Variants in SNX13 observed in about 807,000 individuals in gnomAD.
The protein encoded by SNX13 is sorting nexin 13.
In SNX13, 45 loss-of-function variants were observed where a neutral mutation model predicts 133.6. The ratio of observed to expected loss-of-function variants is 0.34; its 90% CI spans 0.27 to 0.43. The LOEUF (loss-of-function observed/expected upper bound fraction) is 0.43, where lower values mean the gene tolerates loss of function less well. SNX13 is among the 20% of genes least tolerant of loss of function. The probability of loss-of-function intolerance (pLI) is 1.00; values close to 1 mark genes in which losing one functional copy is unlikely to be tolerated. For synonymous variants in SNX13, 414 were observed against 373.9 expected (o/e 1.11, Z -1.24); for missense variants, 1,032 against 1,145.1 (o/e 0.90, Z 1.43).
At chr7:17,896,930 A>G (rs1442958350) in intron 2 of SNX13, among the ~76,000 whole-genome samples, 1 of 152,156 alleles carries the variant, frequency 6.6e-6, no homozygotes, top group Non-Finnish European at 1.5e-5. Context: ...AAAAATTAAC[A>G]TTTGTTTGAA....
At chr7:17,861,332 TACAGTTATCTCA>T (rs1792651924) in intron 9 of SNX13, among the ~76,000 whole-genome samples, 24 of 130,244 alleles carry the variant, frequency 1.8e-4, no homozygotes, top group African/African-American at 3.6e-4. Flanking sequence ...TTATCACACA[TACAGTTATCTCA>T]CACACACACA....
intron 1 of SNX13, among the ~76,000 whole-genome samples, chr7:17,914,298 T>C (rs970953572): frequency 2.0e-5 from 3 of 151,950 alleles, no homozygotes; most frequent in African/African-American, 7.2e-5. Flanking sequence ...AGTAAGCAAC[T>C]TGGAAAACAC....
chr7:17,893,714 C>A (rs1243495616), intron 2 of SNX13, among the ~76,000 whole-genome samples: 1 of 152,112 alleles, frequency 6.6e-6, no homozygotes, highest in Non-Finnish European at 1.5e-5. Flanking sequence ...GTGGCTCATG[C>A]CTGTAATCCC....
At chr7:17,935,897 A>G (rs1168911016) in intron 1 of SNX13, among the ~76,000 whole-genome samples, 6 of 152,218 alleles carry the variant, frequency 3.9e-5, no homozygotes, top group Non-Finnish European at 7.3e-5. Flanking sequence ...CCCCAAGAGT[A>G]TTTCTATTAC....
Position 17,812,529 on chromosome 7 carries a change from G to C in SNX13, c.2064+2305C>G, listed in dbSNP as rs906406573. 1.1e-4 allele frequency among the ~76,000 whole-genome samples: 16 copies of C among 152,126 alleles called. 1 individual carries two copies. The South Asian group carries it at 2.9e-3, about 28-fold the overall frequency. The stretch of plus-strand genomic sequence containing the variant: ...GGAGAGGATGTGGAGATACAGGAAT[G>C]CTTTTACACTGTTGGTGGGAGTATA... On this transcript the variant is annotated intron_variant, in intron 20 of 25. Transcript: ENST00000428135.
chr7:17,915,952 G>A (rs1734241149), intron 1 of SNX13, among the ~76,000 whole-genome samples: 1 of 152,080 alleles, frequency 6.6e-6, no homozygotes, highest in South Asian at 2.1e-4. Flanking sequence ...ATCATACCAA[G>A]TATCTTCTCA....
chr7:17,804,580 G>A (rs1784976946), intron 20 of SNX13, among the ~76,000 whole-genome samples: 1 of 151,590 alleles, frequency 6.6e-6, no homozygotes, highest in African/African-American at 2.4e-5. Flanking sequence ...AAGCAAAAAT[G>A]GTATAAAATT....
intron 5 of SNX13, among the ~76,000 whole-genome samples, chr7:17,887,608 T>G (rs1463404587): frequency 6.6e-6 from 1 of 152,240 alleles, no homozygotes; most frequent in East Asian, 1.9e-4. Context: ...AATGTATGTG[T>G]TTTGTCCACT....
chr7:17,817,833 C>A (rs1419103662), intron 18 of SNX13, among the ~76,000 whole-genome samples: 1 of 152,136 alleles, frequency 6.6e-6, no homozygotes, highest in African/African-American at 2.4e-5. Flanking sequence ...AAACTACTGA[C>A]TCAATTTTAG....
rs115673149 is a variant in SNX13, at chr7:17,793,462, A to G, written c.*583T>C. The stretch of plus-strand genomic sequence containing the variant: ...TTTATTTTATACTCAGCTTTATTTT[A>G]TATCACAAAACTGTAATTCAGGTAT... On this transcript the variant is annotated 3_prime_UTR_variant, in exon 26 of 26. Transcript: ENST00000428135. 6.6e-6 allele frequency: 1 copy of G among 151,952 alleles called. No homozygotes were observed. The highest frequency in any genetic ancestry group is 2.4e-5 in the African/African-American group (1 of 41,526). 9.4% of individuals were successfully genotyped at this position (151,952 alleles called of 1,614,324 possible).
chr7:17,925,540 A>T (rs959981750), intron 1 of SNX13, among the ~76,000 whole-genome samples: 4 of 152,238 alleles, frequency 2.6e-5, no homozygotes, highest in South Asian at 2.1e-4. Flanking sequence ...GATTCAAGAT[A>T]AAACAAAATA....
intron 17 of SNX13, among the ~76,000 whole-genome samples, chr7:17,825,158 G>A (rs1472571395): frequency 6.6e-6 from 1 of 152,110 alleles, no homozygotes; most frequent in Non-Finnish European, 1.5e-5. Flanking sequence ...AATCTGGCAG[G>A]CAACAAATGT....
chr7:17,937,859 G>C (rs556841674), intron 1 of SNX13, among the ~76,000 whole-genome samples: 132 of 152,274 alleles, frequency 8.7e-4, no homozygotes, highest in Middle Eastern at 3.4e-3. Flanking sequence ...GAGATGTAAA[G>C]AATCCAGGCA....
In SNX13 at chr7:17,850,684, A is replaced by G. The variant is rs1034086243; in HGVS notation, c.976+142T>C. 1.3e-5 allele frequency: 9 copies of G among 700,208 alleles called. No individual in the cohort carries two copies. In the African/African-American group the frequency reaches 1.3e-4, roughly 10 times the overall value. The allele number at this position is 700,208 out of a possible 1,614,324, so 43.4% of individuals were successfully genotyped here. A position where few individuals can be genotyped will look rare whatever the true frequency, so the allele number is the denominator to read the frequency against. On this transcript the variant is annotated intron_variant, in intron 10 of 25. Transcript: ENST00000428135. ...GAAAATAATGCTTTTACTTTAACTA[A>G]GCACATGTTAACCTAATAAGGAAGA...
chr7:17,814,721 A>C, intron 20 of SNX13, 113 bp downstream of exon 20: 2 of 861,932 alleles, frequency 2.3e-6, no homozygotes, highest in Non-Finnish European at 3.4e-6. Flanking sequence ...GAACTTAATA[A>C]AATTTTCTAG....
At chr7:17,864,798 GGAAAGGGAA>G (rs1271127302) in intron 9 of SNX13, among the ~76,000 whole-genome samples, 1 of 148,298 alleles carries the variant, frequency 6.7e-6, no homozygotes, top group Non-Finnish European at 1.5e-5. Flanking sequence ...AAGGGGGAGG[GGAAAGGGAA>G]GAAAGGGAAG....
intron 1 of SNX13, among the ~76,000 whole-genome samples, chr7:17,916,011 A>C (rs1030488030): frequency 1.3e-5 from 2 of 152,196 alleles, no homozygotes; most frequent in Admixed American, 1.3e-4. Flanking sequence ...GACTCTCAAA[A>C]CCACAAAAAA....
At chr7:17,841,553 T>TACACAC (rs71553704) in intron 12 of SNX13, among the ~76,000 whole-genome samples, 45,623 of 142,774 alleles carry the variant, frequency 0.32, 7,458 homozygotes, top group South Asian at 0.35. Context: ...CAGTTATTCA[T>TACACAC]ACACACACAC....
chr7:17,906,691 T>C (rs1197921566), intron 1 of SNX13, among the ~76,000 whole-genome samples: 1 of 152,200 alleles, frequency 6.6e-6, no homozygotes, highest in Non-Finnish European at 1.5e-5. Context: ...TAAGATCTAA[T>C]TGTTATACAA....
Sources: allele counts gnomAD v4.1 joint callset (sites outside exome capture counted in the v4.1 genomes callset), GRCh38; gene constraint gnomAD v4.1.1; transcripts MANE v1.5; gene names NCBI Gene and HGNC (gene_info 2026-07-23, HGNC 2026-07-21).